SYN3: variants seen among roughly 807,000 people sequenced by gnomAD.
The protein encoded by SYN3 is synapsin-3.
A neutral mutation model predicts 65.8 loss-of-function variants in SYN3; 35 were observed. The ratio of observed to expected loss-of-function variants is 0.53; its 90% CI spans 0.41 to 0.70. The LOEUF is 0.70. Ranked by LOEUF, SYN3 falls within the 30% of genes least tolerant of loss-of-function variation. SYN3 has a pLI of 0.00. For missense variants in SYN3, 680 were observed against 749.0 expected, an observed-to-expected ratio of 0.91 and a Z score of 1.08; for synonymous variants, 270 against 292.9, an observed-to-expected ratio of 0.92 and a Z score of 0.80.
intron 10 of SYN3, among the ~76,000 whole-genome samples, 173 bp downstream of exon 10, chr22:32,533,620 G>C (rs545214001): frequency 6.6e-6 from 1 of 152,156 alleles, no homozygotes; most frequent in African/African-American, 2.4e-5. Context: ...GAAGCCTTTC[G>C]ATGCCTCTGA....
At chr22:32,777,794 C>T (rs2045944879) in intron 6 of SYN3, among the ~76,000 whole-genome samples, 1 of 152,036 alleles carries the variant, frequency 6.6e-6, no homozygotes, top group Admixed American at 6.6e-5. Flanking sequence ...TTTGAATTAA[C>T]TCTTTTTTTT....
intron 6 of SYN3, among the ~76,000 whole-genome samples, chr22:32,838,944 G>A (rs715572): frequency 0.18 from 27,098 of 151,088 alleles, 2,909 homozygotes; most frequent in East Asian, 0.32. Context: ...TAAAGAACAC[G>A]TGCTGGAAGA....
rs925417162 is a variant in SYN3 at position 32,801,421 on chromosome 22, G to A, written c.711+63494C>T. On this transcript the variant is annotated intron_variant, in intron 6 of 13. Coordinates refer to ENST00000358763, the MANE Select transcript of SYN3 (RefSeq NM_003490.4). The surrounding 1 kb of genome is among the most constrained non-coding windows in gnomAD (Gnocchi z 4.7). ...GTGGGGCCAGGGCGCAGACGAGAAGGGGCACGAGGGCTCCGCTCCGAGGAC... is the reference window on the plus strand; with the variant it reads ...GTGGGGCCAGGGCGCAGACGAGAAGAGGCACGAGGGCTCCGCTCCGAGGAC... Among the ~76,000 whole-genome samples the A allele has an allele frequency of 2.6e-4, 39 of 152,220 alleles. No homozygotes were observed. Among genetic ancestry groups the A allele is most frequent in the African/African-American group, 9.2e-4 (38 of 41,462 alleles).
At chr22:32,791,933 AG>A (rs1353129366) in intron 6 of SYN3, among the ~76,000 whole-genome samples, 1 of 152,090 alleles carries the variant, frequency 6.6e-6, no homozygotes, top group Non-Finnish European at 1.5e-5. Context: ...ATTAATTACA[AG>A]GTCAAAGGGG....
At position 32,838,282 on chromosome 22, in the gene SYN3, C is replaced by A. The variant is rs568166841; in HGVS notation, c.711+26633G>T. Among the ~76,000 whole-genome samples, 167 of 152,186 alleles carry A rather than the reference C, an allele frequency of 1.1e-3. 1 individual carries two copies. Among genetic ancestry groups the A allele is most frequent in the Middle Eastern group, 6.8e-3 (2 of 294 alleles). On this transcript the variant is annotated intron_variant, in intron 6 of 13. Coordinates refer to ENST00000358763, the MANE Select transcript of SYN3 (RefSeq NM_003490.4). Reference sequence around the variant, plus strand: ...AGGGGGGGTGGCAAAATAAAACAAACAATAAACACTATGGCAGAGAGGGAC... The same window carrying A: ...AGGGGGGGTGGCAAAATAAAACAAAAAATAAACACTATGGCAGAGAGGGAC...
intron 4 of SYN3, among the ~76,000 whole-genome samples, chr22:32,891,978 T>TAAG (rs2049459783): frequency 9.3e-6 from 1 of 107,746 alleles, no homozygotes; most frequent in Non-Finnish European, 1.9e-5. Flanking sequence ...CCTTTTTAGC[T>TAAG]AATAATAATA....
In SYN3 at chr22:32,533,818, T is replaced by C; in HGVS notation, c.1070A>G (p.Lys357Arg). Reference sequence around the variant, plus strand: ...CTCGATGATGTAATCTCTGCCATCCTTGCTGTGGACAGCCTTGACGGCACA... The same window carrying C: ...CTCGATGATGTAATCTCTGCCATCCCTGCTGTGGACAGCCTTGACGGCACA... ...DICAVKAVHS[K>R]DGRDYIIEVM... Residue 357 changes from lysine (K) to arginine (R), a missense_variant, in exon 10 of 14, where the codon AAG (lysine) becomes AGG (arginine). Lys to Arg is a conservative substitution (Grantham distance 26). Coordinates refer to ENST00000358763, the MANE Select transcript of SYN3 (RefSeq NM_003490.4). The C allele has an allele frequency of 6.2e-7, 1 of 1,613,798 alleles. No homozygotes were observed. The highest frequency in any genetic ancestry group is 8.5e-7 in the Non-Finnish European group (1 of 1,179,762).
intron 6 of SYN3, among the ~76,000 whole-genome samples, chr22:32,709,616 C>A (rs911945285): frequency 6.6e-6 from 1 of 152,124 alleles, no homozygotes; most frequent in Non-Finnish European, 1.5e-5. Context: ...ACAAAACATT[C>A]AGAAAAACCC....
chr22:32,642,297 T>A (rs71313136), intron 6 of SYN3, among the ~76,000 whole-genome samples: 3,169 of 151,452 alleles, frequency 0.021, 43 homozygotes, highest in Non-Finnish European at 0.029. Flanking sequence ...TTAAAAAAAA[T>A]AATAATAATA....
At chr22:32,556,878 C>T (rs567985392) in intron 7 of SYN3, among the ~76,000 whole-genome samples, 4 of 134,226 alleles carry the variant, frequency 3.0e-5, no homozygotes, top group South Asian at 2.4e-4. Flanking sequence ...AGGCTGGTCT[C>T]GAACTCCTGG....
intron 12 of SYN3, among the ~76,000 whole-genome samples, chr22:32,519,126 A>G (rs1046779680): frequency 6.6e-6 from 1 of 152,130 alleles, no homozygotes; most frequent in African/African-American, 2.4e-5. Flanking sequence ...CTGTGAAAAA[A>G]ACATCTGTTG....
chr22:33,009,303 A>G (rs545301004), intron 1 of SYN3, among the ~76,000 whole-genome samples: 105 of 152,180 alleles, frequency 6.9e-4, no homozygotes, highest in Non-Finnish European at 4.1e-4. Flanking sequence ...TTTTCATCCT[A>G]CCCATTCTAG....
intron 7 of SYN3, among the ~76,000 whole-genome samples, chr22:32,545,177 C>T (rs1371806297): frequency 2.0e-5 from 3 of 152,134 alleles, no homozygotes; most frequent in African/African-American, 7.2e-5. Flanking sequence ...GGGCAACACA[C>T]CAGGCATGGA....
chr22:32,858,146 C>T (rs2048427101), intron 6 of SYN3: 1 of 1,612,028 alleles, frequency 6.2e-7, no homozygotes, highest in Admixed American at 1.7e-5. Context: ...AAGGTAAGCT[C>T]TGGGGTCACT....
chr22:32,616,241 G>A (rs894360038), intron 6 of SYN3, among the ~76,000 whole-genome samples: 7 of 152,126 alleles, frequency 4.6e-5, no homozygotes, highest in African/African-American at 1.7e-4. Flanking sequence ...GAGCCTCGAG[G>A]TGGCGAGCTG....
At chr22:32,952,330 G>T (rs778812953) in intron 3 of SYN3, among the ~76,000 whole-genome samples, 4 of 151,256 alleles carry the variant, frequency 2.6e-5, no homozygotes, top group African/African-American at 4.9e-5. Context: ...GCAGGGTGGG[G>T]AGGGATAAAC....
chr22:32,552,021 T>A (rs1354923917), intron 7 of SYN3, among the ~76,000 whole-genome samples: 1 of 152,024 alleles, frequency 6.6e-6, no homozygotes, highest in Non-Finnish European at 1.5e-5. Context: ...GAGGCCGAGG[T>A]GGGTGGATCA....
chr22:32,610,530 C>T (rs962236249), intron 6 of SYN3, among the ~76,000 whole-genome samples: 7 of 152,134 alleles, frequency 4.6e-5, no homozygotes, highest in African/African-American at 1.7e-4. Flanking sequence ...AATATGTGGC[C>T]TTTTGTGACT....
intron 6 of SYN3, among the ~76,000 whole-genome samples, chr22:32,742,934 A>G (rs1418722801): frequency 2.0e-5 from 3 of 152,190 alleles, no homozygotes; most frequent in Non-Finnish European, 4.4e-5. Context: ...TTAAATCCTC[A>G]CTAAGACCCT....
Sources: allele counts gnomAD v4.1 joint callset (sites outside exome capture counted in the v4.1 genomes callset), GRCh38; gene constraint gnomAD v4.1.1; non-coding constraint Gnocchi (gnomAD v3.1); transcripts MANE v1.5; gene names NCBI Gene and HGNC (gene_info 2026-07-23, HGNC 2026-07-21).